ADGRV1: variants seen among roughly 807,000 people sequenced by gnomAD.
The protein encoded by ADGRV1 is G-protein coupled receptor 98.
A neutral mutation model predicts 596.2 loss-of-function variants in ADGRV1; 359 were observed. The ratio of observed to expected loss-of-function variants is 0.60; its 90% CI spans 0.55 to 0.66. The LOEUF (loss-of-function observed/expected upper bound fraction) is 0.66. ADGRV1 is among the 30% of genes least tolerant of loss of function. The pLI, the probability that ADGRV1 is intolerant of heterozygous loss-of-function variation, is 0.00. For missense variants in ADGRV1, 7,274 were observed against 7,575.6 expected (o/e 0.96, Z 1.48); for synonymous variants, 2,681 against 2,679.2 (o/e 1.00, Z -0.02).
chr5:90,753,658 A>G lies in ADGRV1; in HGVS notation c.11206A>G (p.Ile3736Val). 6.2e-7 allele frequency: 1 copy of G among 1,613,690 alleles called. No individual in the cohort carries two copies. Among genetic ancestry groups the G allele is most frequent in the Non-Finnish European group, 8.5e-7 (1 of 1,179,670 alleles). Residue 3736 changes from isoleucine (I) to valine (V), a missense_variant, in exon 54 of 90, where the codon ATT becomes GTT. Coordinates refer to ENST00000405460, the MANE Select transcript of ADGRV1 (RefSeq NM_032119.4). ...DNIPELSEVV[I>V]VTLTRITTEG... is the part of the protein sequence containing the mutation. The stretch of plus-strand genomic sequence containing the variant: ...TATACCAGAGTTATCAGAGGTTGTG[A>G]TTGTAACCCTCACCCGTATCACCAC...
chr5:90,696,916 A>T, intron 33 of ADGRV1, 21 bp from the exon 34 acceptor site: 2 of 1,580,392 alleles, frequency 1.3e-6, no homozygotes, highest in Middle Eastern at 1.7e-4. Flanking sequence ...TTTGGTTTTT[A>T]TTCCATTGAT....
chr5:91,106,362 C>T (rs1462363304), intron 87 of ADGRV1, among the ~76,000 whole-genome samples: 1 of 152,170 alleles, frequency 6.6e-6, no homozygotes, highest in Non-Finnish European at 1.5e-5. Context: ...GTTTTGGTTA[C>T]TATAGCTTTG....
rs2149796086 is a variant in ADGRV1, at chr5:90,725,190, T to C, written c.10011T>C (p.Leu3337=). Residue 3337 remains leucine, a synonymous_variant, in exon 47 of 90, where the codon CTT becomes CTC. Transcript: ENST00000405460. The part of the protein sequence containing the change: ...HEERNEEKPS[L]NSVFTFTSGF... ...AAAGAAATGAAGAAAAGCCTTCTCT[T>C]AACAGTGTGTTTACATTCACATCTG... 3 of 1,537,508 alleles carry C rather than the reference T, an allele frequency of 2.0e-6. No homozygotes were observed. Among genetic ancestry groups the C allele is most frequent in the Non-Finnish European group, 2.6e-6 (3 of 1,135,854 alleles).
intron 33 of ADGRV1, among the ~76,000 whole-genome samples, chr5:90,695,806 A>T (rs80277535): frequency 0.031 from 4,744 of 152,202 alleles, 238 homozygotes; most frequent in African/African-American, 0.11. Flanking sequence ...TTGACGGAAG[A>T]TGGGAACAGG....
At chr5:90,847,139 T>C (rs1039552182) in intron 78 of ADGRV1, among the ~76,000 whole-genome samples, 9 of 152,158 alleles carry the variant, frequency 5.9e-5, no homozygotes, top group Non-Finnish European at 1.3e-4. Flanking sequence ...AGAGTGCCAA[T>C]TGGTGCATTC....
At chr5:90,702,677 A>G (rs969708188) in intron 34 of ADGRV1, among the ~76,000 whole-genome samples, 2 of 151,994 alleles carry the variant, frequency 1.3e-5, no homozygotes, top group Admixed American at 6.5e-5. Flanking sequence ...ATGTTTGAAG[A>G]TATTACTTAT....
At chr5:90,834,564 C>CTT (rs572952573) in intron 77 of ADGRV1, among the ~76,000 whole-genome samples, 3 of 145,324 alleles carry the variant, frequency 2.1e-5, no homozygotes, top group Admixed American at 6.9e-5. Flanking sequence ...TTTTAGGATT[C>CTT]TTTTTTTTTT....
intron 85 of ADGRV1, among the ~76,000 whole-genome samples, chr5:90,986,164 A>G (rs1780487801): frequency 6.7e-6 from 1 of 149,878 alleles, no homozygotes; most frequent in Non-Finnish European, 1.5e-5. Context: ...TGTAGCTTTG[A>G]GGACCACTGA....
chr5:90,758,192 G>C (rs962574246), intron 57 of ADGRV1, among the ~76,000 whole-genome samples: 1 of 152,100 alleles, frequency 6.6e-6, no homozygotes, highest in African/African-American at 2.4e-5. Flanking sequence ...AATTAGCCGG[G>C]CGTGGTGGCG....
At chr5:91,082,550 G>A (rs1789487341) in intron 86 of ADGRV1, among the ~76,000 whole-genome samples, 2 of 152,106 alleles carry the variant, frequency 1.3e-5, no homozygotes, top group Non-Finnish European at 1.5e-5. Context: ...AAAAATGGAT[G>A]ACCGAAGTCT....
At chr5:91,065,687 T>C (rs1048449095) in intron 85 of ADGRV1, among the ~76,000 whole-genome samples, 1 of 152,128 alleles carries the variant, frequency 6.6e-6, no homozygotes, top group African/African-American at 2.4e-5. Context: ...TTAAATCAAA[T>C]TGGGTAACGC....
At chr5:90,624,656 A>G (rs1370107586) in intron 5 of ADGRV1, among the ~76,000 whole-genome samples, 1 of 152,158 alleles carries the variant, frequency 6.6e-6, no homozygotes, top group Non-Finnish European at 1.5e-5. Flanking sequence ...TGTCAGGACT[A>G]TATGGAGGGG....
chr5:91,064,506 T>C (rs1787715813), intron 85 of ADGRV1, among the ~76,000 whole-genome samples: 1 of 152,202 alleles, frequency 6.6e-6, no homozygotes, highest in African/African-American at 2.4e-5. Context: ...TAGTAATACT[T>C]AATTAGTCTT....
At chr5:91,058,912 C>A (rs2151339136) in intron 85 of ADGRV1, among the ~76,000 whole-genome samples, 1 of 152,316 alleles carries the variant, frequency 6.6e-6, no homozygotes, top group East Asian at 1.9e-4. Flanking sequence ...CCTGCCTCTT[C>A]CACAAAGTCT....
At chr5:91,035,090 A>T (rs2151245447) in intron 85 of ADGRV1, among the ~76,000 whole-genome samples, 1 of 152,228 alleles carries the variant, frequency 6.6e-6, no homozygotes, top group South Asian at 2.1e-4. Flanking sequence ...TTCCTCTGTC[A>T]TCTGTAACAC....
At chr5:90,621,484 T>C (rs1764060752) in intron 4 of ADGRV1, among the ~76,000 whole-genome samples, 1 of 152,174 alleles carries the variant, frequency 6.6e-6, no homozygotes, top group Non-Finnish European at 1.5e-5. Flanking sequence ...AGGAATTGAA[T>C]GATAAAGAAT....
intron 85 of ADGRV1, among the ~76,000 whole-genome samples, chr5:90,996,588 T>C (rs1781438338): frequency 6.6e-6 from 1 of 151,758 alleles, no homozygotes; most frequent in Admixed American, 6.6e-5. Context: ...GGGGTTGGAG[T>C]CCCGACACAG....
At chr5:90,945,042 G>A (rs912307990) in intron 83 of ADGRV1, among the ~76,000 whole-genome samples, 4 of 152,048 alleles carry the variant, frequency 2.6e-5, no homozygotes, top group African/African-American at 9.7e-5. Context: ...TAAACAAAAA[G>A]CTTGTCTGTA....
intron 22 of ADGRV1, among the ~76,000 whole-genome samples, chr5:90,673,556 C>G (rs1735180127): frequency 6.6e-6 from 1 of 152,032 alleles, no homozygotes; most frequent in South Asian, 2.1e-4. Context: ...GTTTTGGAGG[C>G]TGGGACGTCT....
Sources: gnomAD v4.1 joint callset for allele counts (sites outside exome capture counted in the v4.1 genomes callset) on GRCh38, gnomAD v4.1.1 for gene constraint, MANE v1.5 for transcripts, NCBI Gene and HGNC (gene_info 2026-07-23, HGNC 2026-07-21) for gene names.